WNT7B: variants seen among roughly 807,000 people sequenced by gnomAD.
WNT7B encodes the protein protein Wnt-7b.
WNT7B carries 19 observed loss-of-function variants against 38.2 expected under a neutral mutation model. That is an observed-to-expected ratio of 0.50 (90% CI 0.35 to 0.73). The LOEUF (loss-of-function observed/expected upper bound fraction) is 0.73, where lower values mean the gene tolerates loss of function less well. WNT7B is among the 30% of genes least tolerant of loss of function. The pLI is 0.01. For synonymous variants in WNT7B, 243 were observed against 209.3 expected (o/e 1.16, Z -1.39); for missense variants, 423 against 507.9 (o/e 0.83, Z 1.61).
chr22:45,923,963 T>A (rs1473672962), intron 3 of WNT7B, among the ~76,000 whole-genome samples: 2 of 152,164 alleles, frequency 1.3e-5, no homozygotes, highest in African/African-American at 4.8e-5. Context: ...CGCTGTTCTT[T>A]CTCCCCAGCT....
intron 2 of WNT7B, among the ~76,000 whole-genome samples, chr22:45,944,978 C>A (rs1404348791): frequency 6.6e-6 from 1 of 152,234 alleles, no homozygotes; most frequent in African/African-American, 2.4e-5. Context: ...CCCCTCCTGT[C>A]CCCTATGGGT....
chr22:45,934,005 A>T (rs565025176), intron 2 of WNT7B, among the ~76,000 whole-genome samples: 2 of 152,356 alleles, frequency 1.3e-5, no homozygotes, highest in South Asian at 4.1e-4. Flanking sequence ...CGGCACCAGC[A>T]ACAGCGTAGC....
intron 1 of WNT7B, among the ~76,000 whole-genome samples, 172 bp from the exon 2 acceptor site, chr22:45,950,318 C>A (rs780654994): frequency 2.6e-5 from 4 of 152,228 alleles, no homozygotes; most frequent in Non-Finnish European, 5.9e-5. Context: ...AACTCACATG[C>A]GTGACCCCAG....
rs1310427925 is a variant in WNT7B, at chr22:45,975,405, A to G, written c.71+1279T>C. The G allele has an allele frequency of 1.6e-6, 1 of 610,094 alleles. No homozygotes were observed. The highest frequency in any genetic ancestry group is 2.9e-5 in the East Asian group (1 of 34,942). 37.8% of individuals were successfully genotyped at this position (610,094 alleles called of 1,614,324 possible). A position where few individuals can be genotyped will look rare whatever the true frequency, so the allele number is the denominator to read the frequency against. On this transcript the variant is annotated intron_variant, in intron 1 of 3. Transcript: ENST00000339464. This position sits in a 1 kb window ranked among gnomAD's most constrained non-coding sequence, Gnocchi z 6.6. Reference sequence around the variant, plus strand: ...ACCCAGGGACACAGCCTACCCACAGACCTATGATAAACGGGGCTACCGGCA... The same window carrying G: ...ACCCAGGGACACAGCCTACCCACAGGCCTATGATAAACGGGGCTACCGGCA...
intron 2 of WNT7B, among the ~76,000 whole-genome samples, chr22:45,932,825 G>A (rs1489666016): frequency 6.6e-6 from 1 of 152,204 alleles, no homozygotes; most frequent in Non-Finnish European, 1.5e-5. Flanking sequence ...AGGGCAGCTG[G>A]AGACTCACAC....
In WNT7B at chr22:45,935,284, G is replaced by A. The variant is rs999298150; in HGVS notation, c.299-3915C>T. Among the ~76,000 whole-genome samples, 4 of 152,326 alleles carry A rather than the reference G, an allele frequency of 2.6e-5. No homozygotes were observed. In the East Asian group the frequency reaches 7.7e-4, roughly 29 times the overall value. On this transcript the variant is annotated intron_variant, in intron 2 of 3. Coordinates refer to ENST00000339464, the MANE Select transcript of WNT7B (RefSeq NM_058238.3). ...GCTGTCAGTGGCCCCCAAGGCCTCT[G>A]AGACGACTTCCAGTGCCTTGGCCTG...
At position 45,950,118 on chromosome 22, in the gene WNT7B, C is replaced by T. The variant is rs1206745909; in HGVS notation, c.100G>A (p.Ala34Thr). ...GGAATCTTGTTGCAGATGATGTTGG[C>T]TCCCAGGGCCACCACGGATGACAGT... ...GALSSVVALG[A>T]NIICNKIPGL... Residue 34 changes from alanine to threonine, a missense_variant, in exon 2 of 4, where the codon GCC (alanine) becomes ACC (threonine). Ala to Thr is a moderately conservative substitution (Grantham distance 58). This residue lies in a region of WNT7B where 133 missense variants were observed against 179.8 expected (regional missense o/e 0.74). Coordinates refer to ENST00000339464, the MANE Select transcript of WNT7B (RefSeq NM_058238.3). 6.2e-7 allele frequency: 1 copy of T among 1,614,004 alleles called. No homozygotes were observed. The highest frequency in any genetic ancestry group is 2.2e-5 in the East Asian group (1 of 44,886).
chr22:45,940,163 G>A (rs144389045), intron 2 of WNT7B, among the ~76,000 whole-genome samples: 7 of 152,256 alleles, frequency 4.6e-5, no homozygotes, highest in African/African-American at 1.7e-4. Context: ...TAGGGCCAAT[G>A]GATGGCTTTC....
Position 45,931,272 on chromosome 22 carries a change from G to T in WNT7B, c.396C>A (p.Gly132=), listed in dbSNP as rs747178675. The change falls in exon 3 of 4, where the codon GGC becomes GGA. Residue 132 remains glycine (G), a synonymous_variant. Coordinates refer to ENST00000339464, the MANE Select transcript of WNT7B (RefSeq NM_058238.3). ...ACSQGNLSNC[G]CDREKQGYYN... is the part of the protein sequence containing the mutation. ...AGTAGCCCTGCTTCTCGCGGTCGCA[G>T]CCGCAGTTGCTCAGGTTCCCTTGGC... 2 of 1,598,718 alleles carry T rather than the reference G, an allele frequency of 1.3e-6. No homozygotes were observed. Among genetic ancestry groups the T allele is most frequent in the Non-Finnish European group, 1.7e-6 (2 of 1,179,750 alleles).
chr22:45,956,268 A>G (rs1460824824), intron 1 of WNT7B, among the ~76,000 whole-genome samples: 1 of 152,142 alleles, frequency 6.6e-6, no homozygotes, highest in Non-Finnish European at 1.5e-5. Context: ...TCCATCTCAG[A>G]GCTGCTGGGA....
chr22:45,963,765 G>T (rs949316361), intron 1 of WNT7B, among the ~76,000 whole-genome samples: 3 of 152,174 alleles, frequency 2.0e-5, no homozygotes, highest in Admixed American at 6.5e-5. Context: ...AGAGCTGGCT[G>T]CAAAGCCTGG....
intron 2 of WNT7B, among the ~76,000 whole-genome samples, chr22:45,944,678 A>T (rs1931751954): frequency 6.6e-6 from 1 of 152,170 alleles, no homozygotes; most frequent in South Asian, 2.1e-4. Flanking sequence ...CCCAGCAGGC[A>T]TTGCCTCCCG....
At chr22:45,929,202 C>T (rs879091343) in intron 3 of WNT7B, among the ~76,000 whole-genome samples, 1 of 152,168 alleles carries the variant, frequency 6.6e-6, no homozygotes, top group African/African-American at 2.4e-5. Flanking sequence ...TCCCAGATGC[C>T]TCCAGGTAGG....
chr22:45,952,767 G>A lies in WNT7B; in HGVS notation c.72-2621C>T, dbSNP rs376477588. On this transcript the variant is annotated intron_variant, in intron 1 of 3. Coordinates refer to ENST00000339464, the MANE Select transcript of WNT7B (RefSeq NM_058238.3). Reference sequence around the variant, plus strand: ...GCCATGGCCAAAGCCCTGGCTTCCCGCCACCAGCCAGCTGTCCACCACCGG... The same window carrying A: ...GCCATGGCCAAAGCCCTGGCTTCCCACCACCAGCCAGCTGTCCACCACCGG... Among the ~76,000 whole-genome samples the A allele has an allele frequency of 6.2e-4, 95 of 152,212 alleles. No homozygotes were observed. In the East Asian group the frequency reaches 0.014, roughly 22 times the overall value.
At chr22:45,961,264 A>C (rs2146745163) in intron 1 of WNT7B, among the ~76,000 whole-genome samples, 1 of 152,112 alleles carries the variant, frequency 6.6e-6, no homozygotes, top group Admixed American at 6.5e-5. Flanking sequence ...GGCTTGGGCC[A>C]GGAGTTCCGC....
chr22:45,938,507 T>C (rs1053715350), intron 2 of WNT7B, among the ~76,000 whole-genome samples: 6 of 151,832 alleles, frequency 4.0e-5, no homozygotes, highest in African/African-American at 1.5e-4. Context: ...CGTGGTGGTG[T>C]GCGCCTGTAA....
Position 45,965,500 on chromosome 22 carries a change from G to A in WNT7B, c.71+11184C>T, listed in dbSNP as rs1023485618. On this transcript the variant is annotated intron_variant, in intron 1 of 3. Coordinates refer to ENST00000339464, the MANE Select transcript of WNT7B (RefSeq NM_058238.3). The surrounding 1 kb of genome is among the most constrained non-coding windows in gnomAD (Gnocchi z 6.5). Reference sequence around the variant, plus strand: ...GAGGAGGGAGGAAGAGGACCTGGGGGAGCATCCAGACCCACCACCCAGATG... The same window carrying A: ...GAGGAGGGAGGAAGAGGACCTGGGGAAGCATCCAGACCCACCACCCAGATG... Among the ~76,000 whole-genome samples the A allele has an allele frequency of 1.3e-5, 2 of 152,144 alleles. No individual in the cohort carries two copies. Among genetic ancestry groups the A allele is most frequent in the South Asian group, 2.1e-4 (1 of 4,826 alleles).
chr22:45,937,384 G>A (rs1465086305), intron 2 of WNT7B, among the ~76,000 whole-genome samples: 1 of 152,200 alleles, frequency 6.6e-6, no homozygotes, highest in Non-Finnish European at 1.5e-5. Context: ...ACTGGTGAAG[G>A]GGCCTTTCTG....
chr22:45,953,095 A>G (rs1931972469), intron 1 of WNT7B, among the ~76,000 whole-genome samples: 1 of 151,902 alleles, frequency 6.6e-6, no homozygotes, highest in South Asian at 2.1e-4. Context: ...TTGCGGGTGT[A>G]GAGCTCATTC....
Sources: gnomAD v4.1 joint callset for allele counts (sites outside exome capture counted in the v4.1 genomes callset) on GRCh38, gnomAD v4.1.1 for gene constraint, gnomAD v4.1.1 regional missense constraint, Gnocchi (gnomAD v3.1) non-coding constraint, MANE v1.5 for transcripts, NCBI Gene and HGNC (gene_info 2026-07-23, HGNC 2026-07-21) for gene names.